Variants in TMA16 observed in about 807,000 individuals in gnomAD.
The protein encoded by TMA16 is translation machinery-associated protein 16.
In TMA16, 26 loss-of-function variants were observed where a neutral mutation model predicts 27.1. That is an observed-to-expected ratio of 0.96 (90% confidence interval 0.70 to 1.33). The LOEUF (loss-of-function observed/expected upper bound fraction) is 1.33. Ranked by LOEUF, TMA16 falls within the 40% of genes most tolerant of loss-of-function variation. The pLI, the probability that TMA16 is intolerant of heterozygous loss-of-function variation, is 0.00. For missense variants in TMA16, 233 were observed against 241.4 expected (o/e 0.97, Z 0.23); for synonymous variants, 71 against 81.9 (o/e 0.87, Z 0.72).
At chr4:163,513,284 ATAAT>A (rs773631979) in intron 3 of TMA16, among the ~76,000 whole-genome samples, 22 of 152,172 alleles carry the variant, frequency 1.4e-4, no homozygotes, top group Non-Finnish European at 2.8e-4. Context: ...TTTATTGCTA[ATAAT>A]TTTTTACTCA....
At chr4:163,512,469 C>T (rs937003030) in intron 2 of TMA16, 12 of 169,902 alleles carry the variant, frequency 7.1e-5, no homozygotes, top group Non-Finnish European at 1.1e-4. Flanking sequence ...TGGCAGTACT[C>T]AGTCTTCCAG....
chr4:163,497,968 A>G (rs536229526), intron 1 of TMA16, among the ~76,000 whole-genome samples: 1 of 152,332 alleles, frequency 6.6e-6, no homozygotes, highest in East Asian at 1.9e-4. Flanking sequence ...TGTATGTACC[A>G]GCATATATGT....
At position 163,515,454 on chromosome 4, in the gene TMA16, T is replaced by C; in HGVS notation, c.381T>C (p.Tyr127=). The change falls in exon 5 of 7, where the codon TAT becomes TAC. Residue 127 remains tyrosine (Y), a synonymous_variant. Coordinates refer to ENST00000358572, the MANE Select transcript of TMA16 (RefSeq NM_018352.3). ...MERERQQFEG[Y]GLEIPDILNA... is the part of the protein sequence containing the mutation. ...GGGAGCGACAGCAGTTTGAGGGATATGGCCTTGGTGTGCTCACTGATTTTT... is the reference window on the plus strand; with the variant it reads ...GGGAGCGACAGCAGTTTGAGGGATACGGCCTTGGTGTGCTCACTGATTTTT... 1 of 1,610,402 alleles carries C rather than the reference T, an allele frequency of 6.2e-7. No individual in the cohort carries two copies. The highest frequency in any genetic ancestry group is 1.1e-5 in the South Asian group (1 of 90,294).
At chr4:163,512,781 T>C (rs766976663) in intron 2 of TMA16, 41 bp from the exon 3 acceptor site, 12 of 1,527,386 alleles carry the variant, frequency 7.9e-6, no homozygotes, top group Non-Finnish European at 1.1e-5. Context: ...AAAACTTGCT[T>C]TGGAAATTTT....
At chr4:163,514,535 T>C (rs907316776) in intron 4 of TMA16, among the ~76,000 whole-genome samples, 1 of 152,114 alleles carries the variant, frequency 6.6e-6, no homozygotes, top group African/African-American at 2.4e-5. Flanking sequence ...TTAATATGAC[T>C]AAAATAAGTT....
chr4:163,511,257 CA>C (rs745442166), intron 2 of TMA16, among the ~76,000 whole-genome samples: 10 of 151,632 alleles, frequency 6.6e-5, no homozygotes, highest in Non-Finnish European at 1.2e-4. Flanking sequence ...TAATTTTAGC[CA>C]ATCTAGTAGG....
chr4:163,505,676 T>C (rs563776584), intron 1 of TMA16, among the ~76,000 whole-genome samples: 75 of 152,064 alleles, frequency 4.9e-4, no homozygotes, highest in Non-Finnish European at 1.1e-3. Flanking sequence ...GAAATAATGG[T>C]GGAGAAGCAG....
At chr4:163,516,082 G>C (rs1737872452) in intron 5 of TMA16, 1 of 152,360 alleles carries the variant, frequency 6.6e-6, no homozygotes, top group Non-Finnish European at 1.5e-5. Context: ...GTTGCTCTCT[G>C]TACCTCCACT....
Position 163,494,800 on chromosome 4 carries a change from C to T in TMA16, c.-2C>T, listed in dbSNP as rs1199843999. On this transcript the variant is annotated 5_prime_UTR_variant, in exon 1 of 7. Transcript: ENST00000358572. Reference sequence around the variant, plus strand: ...CTGCTCCGTGGCCACGAGGACGTCACCATGGTGGGCCCCCTCCTGCTCCCC... The same window carrying T: ...CTGCTCCGTGGCCACGAGGACGTCATCATGGTGGGCCCCCTCCTGCTCCCC... 7 of 1,612,374 alleles carry T rather than the reference C, an allele frequency of 4.3e-6. No homozygotes were observed. The highest frequency in any genetic ancestry group is 5.1e-6 in the Non-Finnish European group (6 of 1,180,016).
At chr4:163,496,879 T>G (rs1278299926) in intron 1 of TMA16, among the ~76,000 whole-genome samples, 2 of 152,174 alleles carry the variant, frequency 1.3e-5, no homozygotes, top group Admixed American at 6.5e-5. Flanking sequence ...CTCGAACTCC[T>G]GACCTCAAAT....
intron 1 of TMA16, among the ~76,000 whole-genome samples, chr4:163,505,479 T>G (rs1737707120): frequency 6.6e-6 from 1 of 152,222 alleles, no homozygotes; most frequent in African/African-American, 2.4e-5. Flanking sequence ...TTATTTTAAA[T>G]AGTTCTGCCT....
chr4:163,494,696 C>A lies in TMA16; in HGVS notation c.-106C>A, dbSNP rs1046080120. On this transcript the variant is annotated 5_prime_UTR_variant, in exon 1 of 7. Coordinates refer to ENST00000358572, the MANE Select transcript of TMA16 (RefSeq NM_018352.3). Reference sequence around the variant, plus strand: ...GGGTCGGCGCGGGCTTCTCAGGCGCCACGTGGGATTCGGCCCGGGTGCTCT... The same window carrying A: ...GGGTCGGCGCGGGCTTCTCAGGCGCAACGTGGGATTCGGCCCGGGTGCTCT... 1 of 1,519,320 alleles carries A rather than the reference C, an allele frequency of 6.6e-7. No individual in the cohort carries two copies. The allele number at this position is 1,519,320 out of a possible 1,614,324, so 94.1% of individuals were successfully genotyped here.
Position 163,509,509 on chromosome 4 carries a change from C to T in TMA16, c.116+2364C>T, listed in dbSNP as rs1445758833. Among the ~76,000 whole-genome samples the T allele has an allele frequency of 2.6e-5, 4 of 152,264 alleles. No homozygotes were observed. The East Asian group carries it at 7.7e-4, about 29-fold the overall frequency. On this transcript the variant is annotated intron_variant, in intron 2 of 6. Transcript: ENST00000358572. ...TTGCCACTTAACTGGGTGTTTCTGA[C>T]CCAGCATCTTTCACAAGCCTGCAGC...
Position 163,507,090 on chromosome 4 carries a change from A to G in TMA16, c.61A>G (p.Ser21Gly), listed in dbSNP as rs1737728349. Residue 21 changes from serine (S) to glycine (G), a missense_variant, in exon 2 of 7, where the codon AGT (serine) becomes GGT (glycine). By Grantham distance (56) the Ser-to-Gly change is moderately conservative (BLOSUM62 0). Transcript: ENST00000358572. ...GREKKVIHPYSRKAAQITREA... is the reference protein window; with the variant it reads ...GREKKVIHPYGRKAAQITREA... ...GGAAAAAAAAGTCATCCATCCATATAGTAGAAAAGCAGCTCAAATTACGAG... is the reference window on the plus strand; with the variant it reads ...GGAAAAAAAAGTCATCCATCCATATGGTAGAAAAGCAGCTCAAATTACGAG... 1 of 1,595,712 alleles carries G rather than the reference A, an allele frequency of 6.3e-7. No individual in the cohort carries two copies. The highest frequency in any genetic ancestry group is 1.7e-5 in the Admixed American group (1 of 57,664).
chr4:163,505,905 G>T (rs867714816), intron 1 of TMA16, among the ~76,000 whole-genome samples: 7 of 152,192 alleles, frequency 4.6e-5, no homozygotes, highest in Admixed American at 2.0e-4. Context: ...TTTTGAAGAA[G>T]AGTGTAAAGC....
intron 5 of TMA16, among the ~76,000 whole-genome samples, chr4:163,516,768 C>A (rs1369614140): frequency 4.6e-5 from 7 of 151,450 alleles, no homozygotes. Context: ...TTAAAAAAGT[C>A]TTTTTTTCAC....
rs765014339 is a variant in TMA16 at position 163,519,426 on chromosome 4, C to T, written c.524C>T (p.Thr175Ile). Residue 175 changes from threonine to isoleucine, a missense_variant, in exon 7 of 7, where the codon ACT (threonine) becomes ATT (isoleucine). Transcript: ENST00000358572. ...ATTCCCAAGACGTGCAAGAGGAAAA[C>T]TATTATAACTGTAGACCAAGATTTG... ...DAIPKTCKRKTIITVDQDLGE... is the reference protein window; with the variant it reads ...DAIPKTCKRKIIITVDQDLGE... The T allele has an allele frequency of 6.2e-7, 1 of 1,605,560 alleles. No individual in the cohort carries two copies. The highest frequency in any genetic ancestry group is 1.1e-5 in the South Asian group (1 of 89,178).
At chr4:163,512,951 T>A in intron 3 of TMA16, 92 bp downstream of exon 3, 1 of 936,412 alleles carries the variant, frequency 1.1e-6, no homozygotes, top group Non-Finnish European at 1.6e-6. Flanking sequence ...AGTGAAATAC[T>A]GTTTTTATCA....
chr4:163,494,967 G>GGCGA, intron 1 of TMA16, 163 bp downstream of exon 1: 1 of 1,036,978 alleles, frequency 9.6e-7, no homozygotes, highest in East Asian at 2.6e-5. Context: ...GCCTCTGGGA[G>GGCGA]GCGAGTCCCA....
Sources: gnomAD v4.1 joint callset for allele counts (sites outside exome capture counted in the v4.1 genomes callset) on GRCh38, gnomAD v4.1.1 for gene constraint, MANE v1.5 for transcripts, NCBI Gene and HGNC (gene_info 2026-07-23, HGNC 2026-07-21) for gene names.